The following ABCB4 variants were observed in gnomAD, a reference collection of about 807,000 sequenced individuals.
ABCB4 encodes phosphatidylcholine translocator ABCB4.
A neutral mutation model predicts 145.7 loss-of-function variants in ABCB4; 76 were observed. The ratio of observed to expected loss-of-function variants is 0.52; its 90% confidence interval spans 0.43 to 0.63. The LOEUF is 0.63. Ranked by LOEUF, ABCB4 falls within the 30% of genes least tolerant of loss-of-function variation. The probability of loss-of-function intolerance (pLI) is 0.00; values close to 1 mark genes in which losing one functional copy is unlikely to be tolerated. For missense variants in ABCB4, 1,234 were observed against 1,553.1 expected (o/e 0.79, Z 3.45); for synonymous variants, 517 against 566.8 (o/e 0.91, Z 1.25).
In ABCB4 at chr7:87,420,067, C is replaced by A; in HGVS notation, c.2325G>T (p.Thr775=). Residue 775 remains threonine, a synonymous_variant, in exon 19 of 28, where the codon ACG becomes ACT. Coordinates refer to ENST00000649586, the MANE Select transcript of ABCB4 (RefSeq NM_000443.4). ...TGAGGATCTCGCCAGCTTTCCCAAA[C>A]GTGAAACCCTGGTTGAGAAAAAAGG... ...SFFTFFLQGF[T]FGKAGEILTR... The A allele has an allele frequency of 6.2e-7, 1 of 1,613,960 alleles. No individual in the cohort carries two copies. The highest frequency in any genetic ancestry group is 8.5e-7 in the Non-Finnish European group (1 of 1,179,924).
At chr7:87,446,940 C>T (rs1159906474) in intron 9 of ABCB4, 94 bp downstream of exon 9, 2 of 1,207,150 alleles carry the variant, frequency 1.7e-6, no homozygotes, top group Admixed American at 2.0e-5. Context: ...TAATCATGTT[C>T]ATCTTTCAAA....
chr7:87,408,096 C>T lies in ABCB4; in HGVS notation c.3220G>A (p.Gly1074Arg). 1 of 1,614,260 alleles carries T rather than the reference C, an allele frequency of 6.2e-7. No homozygotes were observed. The highest frequency in any genetic ancestry group is 8.5e-7 in the Non-Finnish European group (1 of 1,180,040). Reference protein sequence around the residue: ...TLALVGSSGCGKSTVVQLLER... With the variant: ...TLALVGSSGCRKSTVVQLLER... ...AGGAGCTGGACCACCGTGCTCTTCC[C>T]ACAGCCACTGCTGCCCACCAGGGCT... The change falls in exon 25 of 28, where the codon GGG (glycine) becomes AGG (arginine). Residue 1074 changes from glycine to arginine, a missense_variant. Transcript: ENST00000649586.
rs555847106 is a variant in ABCB4, at chr7:87,471,947, A to T, written c.135+674T>A. ...TTAACAATTACTTTCTTGAAATGCAAGCTTATTTTAAGCTAAATTTGGGGT... is the reference window on the plus strand; with the variant it reads ...TTAACAATTACTTTCTTGAAATGCATGCTTATTTTAAGCTAAATTTGGGGT... On this transcript the variant is annotated intron_variant, in intron 3 of 27. Transcript: ENST00000649586. Among the ~76,000 whole-genome samples the T allele has an allele frequency of 3.9e-5, 6 of 152,322 alleles. No homozygotes were observed. In the East Asian group the frequency reaches 1.2e-3, roughly 29 times the overall value.
intron 3 of ABCB4, among the ~76,000 whole-genome samples, chr7:87,464,587 A>G (rs1172098299): frequency 6.6e-6 from 1 of 152,230 alleles, no homozygotes; most frequent in Non-Finnish European, 1.5e-5. Context: ...CTAAGCATAA[A>G]TTTAAAACGA....
rs948788728 is a variant in ABCB4 at position 87,452,917 on chromosome 7, A to G, written c.536+27T>C. Reference sequence around the variant, plus strand: ...TCACACAGTAATTAATTTCTATATGAAAGTGTGACATTAACAATGTACCTA... The same window carrying G: ...TCACACAGTAATTAATTTCTATATGGAAGTGTGACATTAACAATGTACCTA... On this transcript the variant is annotated intron_variant, in intron 6 of 27. Transcript: ENST00000649586. 2.5e-6 allele frequency: 4 copies of G among 1,606,784 alleles called. No homozygotes were observed. The East Asian group carries it at 6.7e-5, about 27-fold the overall frequency.
chr7:87,409,804 A>G (rs764840849), intron 23 of ABCB4, among the ~76,000 whole-genome samples: 7 of 152,196 alleles, frequency 4.6e-5, no homozygotes, highest in Non-Finnish European at 8.8e-5. Context: ...AGTTCCAAGT[A>G]AGCTTTTTCT....
chr7:87,392,694 T>A, the ABCB4 span: 7 of 1,610,518 alleles, frequency 4.3e-6, no homozygotes, highest in South Asian at 4.4e-5. Flanking sequence ...TGGTGAAAAA[T>A]TTTTTTCTAA....
the ABCB4 span, among the ~76,000 whole-genome samples, chr7:87,391,338 C>CA: frequency 6.6e-6 from 1 of 152,194 alleles, no homozygotes; most frequent in Non-Finnish European, 1.5e-5. Context: ...AGGCAGGAAT[C>CA]ACGGGGGCCA....
intron 12 of ABCB4, among the ~76,000 whole-genome samples, chr7:87,441,693 G>A (rs1811003793): frequency 6.6e-6 from 1 of 151,800 alleles, no homozygotes; most frequent in African/African-American, 2.4e-5. Context: ...TGAACTCCTG[G>A]GCTCAAGTGA....
At chr7:87,410,436 G>C (rs1295292907) in intron 23 of ABCB4, among the ~76,000 whole-genome samples, 2 of 152,132 alleles carry the variant, frequency 1.3e-5, no homozygotes, top group Non-Finnish European at 2.9e-5. Flanking sequence ...TTTTAAAATA[G>C]TGATGAACAA....
At chr7:87,410,980 G>T (rs45521742) in intron 23 of ABCB4, among the ~76,000 whole-genome samples, 16,065 of 152,020 alleles carry the variant, frequency 0.11, 1,020 homozygotes, top group African/African-American at 0.18. Context: ...TTTCCAGCTG[G>T]GTATTGCTGG....
At chr7:87,469,355 T>C (rs548410694) in intron 3 of ABCB4, among the ~76,000 whole-genome samples, 12 of 152,158 alleles carry the variant, frequency 7.9e-5, no homozygotes, top group African/African-American at 2.7e-4. Context: ...CAACATAGTG[T>C]TGGAAGTTCT....
At chr7:87,415,986 A>G (rs1808945694) in intron 21 of ABCB4, among the ~76,000 whole-genome samples, 2 of 152,214 alleles carry the variant, frequency 1.3e-5, no homozygotes, top group Admixed American at 6.5e-5. Flanking sequence ...TGAGACACTC[A>G]GAAGTCAAGG....
intron 10 of ABCB4, among the ~76,000 whole-genome samples, chr7:87,444,279 G>A (rs1359074267): frequency 5.3e-5 from 8 of 152,086 alleles, no homozygotes; most frequent in Admixed American, 6.6e-5. Context: ...TCACGACTTG[G>A]ATCAATGAAA....
intron 9 of ABCB4, among the ~76,000 whole-genome samples, chr7:87,445,557 A>C (rs576580653): frequency 4.6e-5 from 7 of 152,350 alleles, no homozygotes; most frequent in African/African-American, 1.4e-4. Flanking sequence ...AGGAAAATGA[A>C]TTGATATAAA....
chr7:87,406,024 T>C, intron 26 of ABCB4: 1 of 544,980 alleles, frequency 1.8e-6, no homozygotes. Context: ...AAACCAAACA[T>C]GACTGCAGTC....
chr7:87,472,955 A>G (rs147440747), intron 2 of ABCB4, among the ~76,000 whole-genome samples: 3 of 152,232 alleles, frequency 2.0e-5, no homozygotes, highest in Non-Finnish European at 4.4e-5. Context: ...CGCTAAGTCA[A>G]TTAAGTTATT....
At chr7:87,405,410 A>G (rs1323172102) in intron 26 of ABCB4, among the ~76,000 whole-genome samples, 1 of 149,084 alleles carries the variant, frequency 6.7e-6, no homozygotes, top group Non-Finnish European at 1.5e-5. Flanking sequence ...CTTTATGGAG[A>G]TGAGAATGTT....
intron 14 of ABCB4, among the ~76,000 whole-genome samples, chr7:87,436,574 A>C (rs746081778): frequency 2.6e-5 from 4 of 152,206 alleles, no homozygotes; most frequent in Admixed American, 6.5e-5. Context: ...ACATGCAAAG[A>C]AATCCACTCA....
Sources: gnomAD v4.1 joint callset for allele counts (sites outside exome capture counted in the v4.1 genomes callset) on GRCh38, gnomAD v4.1.1 for gene constraint, MANE v1.5 for transcripts, NCBI Gene and HGNC (gene_info 2026-07-23, HGNC 2026-07-21) for gene names.